The following NELFA variants were observed in gnomAD, a reference collection of about 807,000 sequenced individuals.
NELFA encodes negative elongation factor complex member A.
NELFA carries 35 observed loss-of-function variants against 51.8 expected under a neutral mutation model. The ratio of observed to expected loss-of-function variants is 0.68; its 90% confidence interval spans 0.52 to 0.90. The LOEUF is 0.90. Ranked by LOEUF, NELFA falls within the 40% of genes least tolerant of loss-of-function variation. The pLI is 0.00. For synonymous variants in NELFA, 417 were observed against 338.4 expected, an observed-to-expected ratio of 1.23 and a Z score of -2.55; for missense variants, 658 against 746.4, an observed-to-expected ratio of 0.88 and a Z score of 1.38.
At chr4:1,997,362 G>A (rs1001544637) in intron 1 of NELFA, among the ~76,000 whole-genome samples, 33 of 152,248 alleles carry the variant, frequency 2.2e-4, no homozygotes, top group African/African-American at 7.9e-4. Flanking sequence ...TAAAACTACA[G>A]GTCAATCTCA....
intron 1 of NELFA, among the ~76,000 whole-genome samples, chr4:2,005,330 T>C (rs921810813): frequency 1.3e-5 from 2 of 151,814 alleles, no homozygotes; most frequent in East Asian, 1.9e-4. Flanking sequence ...CAAAAGGTAA[T>C]TGGAGAAAGA....
chr4:1,983,469 C>G lies in NELFA; in HGVS notation c.1437G>C (p.Gln479His). ...CCTCCGTGTGCTCGCTCAGCTTGAT[C>G]TGGATCACGTCCCCCTGCTCCTGGC... is the stretch of plus-strand genomic sequence containing the variant. ...NPCQEQGDVI[Q>H]IKLSEHTEDL... The change falls in exon 11 of 11, where the codon CAG (glutamine) becomes CAC (histidine). Residue 479 changes from glutamine to histidine, a missense_variant. By Grantham distance (24) the Gln-to-His change is conservative. Coordinates refer to ENST00000382882, the MANE Select transcript of NELFA (RefSeq NM_005663.5). 6.2e-7 allele frequency: 1 copy of G among 1,614,180 alleles called. No individual in the cohort carries two copies. Among genetic ancestry groups the G allele is most frequent in the South Asian group, 1.1e-5 (1 of 91,084 alleles).
chr4:1,991,951 C>A, intron 1 of NELFA: 1 of 463,610 alleles, frequency 2.2e-6, no homozygotes, highest in Non-Finnish European at 3.8e-6. Context: ...GGTGCCCTCC[C>A]AGCAGCCTCC....
chr4:1,997,602 C>T (rs1424876737), intron 1 of NELFA, among the ~76,000 whole-genome samples: 1 of 152,186 alleles, frequency 6.6e-6, no homozygotes, highest in Non-Finnish European at 1.5e-5. Flanking sequence ...AAAAAGATAA[C>T]AAATGTTGGC....
intron 1 of NELFA, among the ~76,000 whole-genome samples, chr4:1,997,759 C>T (rs1029336342): frequency 6.6e-6 from 1 of 152,166 alleles, no homozygotes; most frequent in Non-Finnish European, 1.5e-5. Context: ...CCCACTGAAG[C>T]ACACTCCCTC....
At chr4:1,993,852 G>C (rs1000092412) in intron 1 of NELFA, among the ~76,000 whole-genome samples, 1 of 148,778 alleles carries the variant, frequency 6.7e-6, no homozygotes, top group Non-Finnish European at 1.5e-5. Flanking sequence ...CCGGGCTGGA[G>C]TGCAATGGCA....
At chr4:1,991,772 C>T (rs1388169140) in intron 1 of NELFA, 57 bp from the exon 2 acceptor site, 1 of 1,515,876 alleles carries the variant, frequency 6.6e-7, no homozygotes, top group Non-Finnish European at 8.8e-7. Context: ...CAAGCCCACT[C>T]CCTGCTGAGC....
intron 1 of NELFA, chr4:2,008,094 A>G (rs1430589426): frequency 2.2e-6 from 1 of 453,246 alleles, no homozygotes; most frequent in Non-Finnish European, 4.4e-6. Flanking sequence ...CACTGGAGCT[A>G]CCGAGCCCAG....
chr4:1,992,233 C>T (rs1040101838), intron 1 of NELFA: 2 of 235,408 alleles, frequency 8.5e-6, no homozygotes, highest in East Asian at 1.8e-4. Flanking sequence ...TGAGCTGGTG[C>T]CTAGTCACCA....
intron 1 of NELFA, among the ~76,000 whole-genome samples, chr4:1,995,278 T>C (rs1371462569): frequency 6.6e-6 from 1 of 152,232 alleles, no homozygotes; most frequent in Non-Finnish European, 1.5e-5. Flanking sequence ...CTGGTGTGTG[T>C]GCATGTATGT....
intron 1 of NELFA, among the ~76,000 whole-genome samples, chr4:2,002,198 T>C (rs1244597268): frequency 3.3e-5 from 5 of 151,034 alleles, no homozygotes; most frequent in African/African-American, 1.2e-4. Flanking sequence ...AGACTCCATC[T>C]CAGAAAAAAA....
chr4:1,994,859 A>T (rs1442646260), intron 1 of NELFA, among the ~76,000 whole-genome samples: 2 of 152,094 alleles, frequency 1.3e-5, no homozygotes, highest in South Asian at 2.1e-4. Context: ...AAAAAAAAAA[A>T]AAAAAATTAA....
chr4:1,990,861 C>T (rs568134409), intron 2 of NELFA, among the ~76,000 whole-genome samples: 52 of 152,222 alleles, frequency 3.4e-4, no homozygotes, highest in Non-Finnish European at 5.7e-4. Context: ...AGTGCAGTGG[C>T]GCGATCATGG....
rs1416444390 is a variant in NELFA, at chr4:1,986,299, C to T, written c.738G>A (p.Thr246=). The T allele has an allele frequency of 5.7e-6, 9 of 1,588,238 alleles. No individual in the cohort carries two copies. The highest frequency in any genetic ancestry group is 7.7e-6 in the Non-Finnish European group (9 of 1,167,094). Residue 246 remains threonine, a synonymous_variant, in exon 5 of 11, where the codon ACG becomes ACA. Coordinates refer to ENST00000382882, the MANE Select transcript of NELFA (RefSeq NM_005663.5). Reference sequence around the variant, plus strand: ...TCACACCTCGTTCCTTCCGCAGCAGCGTCCTGGAAGGCGGGATGGGGGTCC... The same window carrying T: ...TCACACCTCGTTCCTTCCGCAGCAGTGTCCTGGAAGGCGGGATGGGGGTCC... ...GNRTPIPPSR[T]LLRKERGVKL...
In NELFA at chr4:1,986,122, T is replaced by C. The variant is rs150291014; in HGVS notation, c.827A>G (p.Lys276Arg). 228 of 1,551,620 alleles carry C rather than the reference T, an allele frequency of 1.5e-4. No homozygotes were observed. The highest frequency in any genetic ancestry group is 1.9e-4 in the Non-Finnish European group (215 of 1,147,352). ...GAGREAKRRR[K>R]TLDAEVVEKP... ...CAGGCCCCAACCCCCACCGAGAGTC[T>C]TCCTTCTCCGCTTCGCCTCTCGGCC... Residue 276 changes from lysine to arginine, a missense_variant, in exon 6 of 11, where the codon AAG becomes AGG. Transcript: ENST00000382882.
At chr4:1,996,639 G>C (rs1477024635) in intron 1 of NELFA, among the ~76,000 whole-genome samples, 2 of 152,206 alleles carry the variant, frequency 1.3e-5, no homozygotes, top group Admixed American at 6.5e-5. Flanking sequence ...CATTTAAAAA[G>C]AAGATGTTTG....
chr4:1,991,790 T>C (rs1728277103), intron 1 of NELFA, 75 bp from the exon 2 acceptor site: 1 of 1,458,624 alleles, frequency 6.9e-7, no homozygotes, highest in Non-Finnish European at 9.2e-7. Context: ...AGCTTCCGGA[T>C]GGGCACTGGG....
intron 2 of NELFA, among the ~76,000 whole-genome samples, chr4:1,991,111 T>C (rs949519952): frequency 5.3e-5 from 8 of 152,232 alleles, no homozygotes; most frequent in Admixed American, 4.6e-4. Flanking sequence ...GTGAATATTT[T>C]CTAAGTGACT....
Position 1,983,342 on chromosome 4 carries a change from T to G in NELFA, c.1564A>C (p.Lys522Gln), listed in dbSNP as rs929528469. 2.5e-6 allele frequency: 4 copies of G among 1,614,176 alleles called. No homozygotes were observed. The highest frequency in any genetic ancestry group is 3.4e-6 in the Non-Finnish European group (4 of 1,180,030). ...TTCTAGGACACATTGGTCATGGGCT[T>G]GTACTTCTTGAAGCGCGTCCACTGG... ...TGQWTRFKKY[K>Q]PMTNVS The change falls in exon 11 of 11, where the codon AAG (lysine) becomes CAG (glutamine). Residue 522 changes from lysine (K) to glutamine (Q), a missense_variant. By Grantham distance (53) the Lys-to-Gln change is moderately conservative (BLOSUM62 1). Around this residue, in one of 3 missense-constraint regions of NELFA, gnomAD observed 87 missense variants for 130.2 expected, o/e 0.67. Transcript: ENST00000382882.
Sources: allele counts gnomAD v4.1 joint callset (sites outside exome capture counted in the v4.1 genomes callset), GRCh38; gene constraint gnomAD v4.1.1; regional missense constraint gnomAD v4.1.1; transcripts MANE v1.5; gene names NCBI Gene and HGNC (gene_info 2026-07-23, HGNC 2026-07-21).